Variants in SLC38A11 observed in about 807,000 individuals in gnomAD.
The protein encoded by SLC38A11 is putative sodium-coupled neutral amino acid transporter 11.
In SLC38A11, 51 loss-of-function variants were observed where a neutral mutation model predicts 49.4. That is an observed-to-expected ratio of 1.03 (90% CI 0.83 to 1.30). SLC38A11 has a LOEUF of 1.30. Among genes scored for constraint, SLC38A11 ranks in the 50% most tolerant of loss-of-function variants. The pLI, the probability that SLC38A11 is intolerant of heterozygous loss-of-function variation, is 0.00. For missense variants in SLC38A11, 574 were observed against 556.2 expected (o/e 1.03, Z -0.32); for synonymous variants, 203 against 192.9 (o/e 1.05, Z -0.43).
intron 3 of SLC38A11, among the ~76,000 whole-genome samples, chr2:164,952,393 AG>A (rs1451842852): frequency 6.6e-6 from 1 of 152,214 alleles, no homozygotes; most frequent in African/African-American, 2.4e-5. Context: ...TTCAGAGCAC[AG>A]TCGTCTCTTA....
intron 11 of SLC38A11, among the ~76,000 whole-genome samples, chr2:164,903,324 G>T (rs1684785732): frequency 6.6e-6 from 1 of 152,216 alleles, no homozygotes; most frequent in Admixed American, 6.5e-5. Flanking sequence ...CTGCTAAGAA[G>T]CTGTCATCAG....
chr2:164,911,429 G>A lies in SLC38A11; in HGVS notation c.963+207C>T, dbSNP rs935115407. 5.9e-5 allele frequency among the ~76,000 whole-genome samples: 9 copies of A among 152,072 alleles called. No homozygotes were observed. The South Asian group carries it at 1.2e-3, about 21-fold the overall frequency. On this transcript the variant is annotated intron_variant, in intron 10 of 11. Coordinates refer to ENST00000685975, the MANE Select transcript of SLC38A11 (RefSeq NM_001351537.2). Reference sequence around the variant, plus strand: ...ATCTACCAAACCTAATTTTCAAACCGAACTTTTGAAAAATTGTCTTGTAAA... The same window carrying A: ...ATCTACCAAACCTAATTTTCAAACCAAACTTTTGAAAAATTGTCTTGTAAA...
chr2:164,938,036 G>A (rs1226613858), intron 6 of SLC38A11, among the ~76,000 whole-genome samples: 1 of 151,868 alleles, frequency 6.6e-6, no homozygotes, highest in South Asian at 2.1e-4. Context: ...ATATAAACTG[G>A]TCTGTGTGTG....
At chr2:164,952,624 C>T in intron 3 of SLC38A11, 83 bp downstream of exon 3, 1 of 866,540 alleles carries the variant, frequency 1.2e-6, no homozygotes, top group East Asian at 2.5e-5. Context: ...AATTCAGTTG[C>T]AGCATGTGTG....
At chr2:164,906,337 T>C (rs970217960) in intron 11 of SLC38A11, among the ~76,000 whole-genome samples, 2 of 152,164 alleles carry the variant, frequency 1.3e-5, no homozygotes, top group African/African-American at 2.4e-5. Flanking sequence ...ACATTTCATT[T>C]CCTGGTACTA....
chr2:164,905,203 C>T (rs1018872297), intron 11 of SLC38A11, among the ~76,000 whole-genome samples: 2 of 152,036 alleles, frequency 1.3e-5, no homozygotes, highest in East Asian at 1.9e-4. Flanking sequence ...CTGCAACTTC[C>T]GCCTCCTGGG....
At chr2:164,899,473 G>A (rs1328365767) in intron 11 of SLC38A11, among the ~76,000 whole-genome samples, 1 of 152,040 alleles carries the variant, frequency 6.6e-6, no homozygotes, top group African/African-American at 2.4e-5. Flanking sequence ...GATGTCAAAG[G>A]AAGAGACTTT....
chr2:164,955,001 G>A (rs1688753895), intron 1 of SLC38A11, among the ~76,000 whole-genome samples: 1 of 151,016 alleles, frequency 6.6e-6, no homozygotes, highest in Non-Finnish European at 1.5e-5. Flanking sequence ...GGATCTGTTA[G>A]GAATTCAGTG....
chr2:164,948,546 G>A (rs750885768), intron 3 of SLC38A11, among the ~76,000 whole-genome samples: 14 of 152,122 alleles, frequency 9.2e-5, no homozygotes, highest in Non-Finnish European at 1.8e-4. Flanking sequence ...CAGAATCCAT[G>A]AGCTTAATTA....
chr2:164,923,323 T>C (rs1203427328), intron 7 of SLC38A11, among the ~76,000 whole-genome samples: 1 of 152,082 alleles, frequency 6.6e-6, no homozygotes, highest in Non-Finnish European at 1.5e-5. Flanking sequence ...ACAAACTCTG[T>C]ATATGACAAA....
intron 9 of SLC38A11, among the ~76,000 whole-genome samples, chr2:164,913,252 C>T (rs1685526142): frequency 6.6e-6 from 1 of 151,898 alleles, no homozygotes; most frequent in African/African-American, 2.4e-5. Flanking sequence ...AGTAAGGTGG[C>T]AGAAACCTGC....
At chr2:164,945,994 T>TTG (rs1688079071) in intron 3 of SLC38A11, among the ~76,000 whole-genome samples, 1 of 152,152 alleles carries the variant, frequency 6.6e-6, no homozygotes, top group Non-Finnish European at 1.5e-5. Flanking sequence ...GAAAACAGAC[T>TTG]CGAGTCAAAC....
At chr2:164,927,791 C>T (rs1686705864) in intron 7 of SLC38A11, among the ~76,000 whole-genome samples, 1 of 152,144 alleles carries the variant, frequency 6.6e-6, no homozygotes, top group African/African-American at 2.4e-5. Flanking sequence ...TCCTCTGTTT[C>T]CATAGCACTT....
intron 8 of SLC38A11, 141 bp downstream of exon 8, chr2:164,915,762 G>T: frequency 1.6e-6 from 1 of 614,172 alleles, no homozygotes; most frequent in Non-Finnish European, 2.8e-6. Context: ...TTTTATATTG[G>T]CACAAACTAG....
intron 7 of SLC38A11, among the ~76,000 whole-genome samples, chr2:164,918,515 A>G (rs1229194652): frequency 6.6e-6 from 1 of 152,158 alleles, no homozygotes; most frequent in Non-Finnish European, 1.5e-5. Context: ...ACCAAATCCT[A>G]TAGCAAATGG....
At chr2:164,945,272 A>G (rs58971374) in intron 4 of SLC38A11, among the ~76,000 whole-genome samples, 14 of 131,902 alleles carry the variant, frequency 1.1e-4, no homozygotes, top group Non-Finnish European at 2.0e-4. Flanking sequence ...TTTTTTTTTT[A>G]AAGTATTAAG....
Position 164,955,226 on chromosome 2 carries a change from G to A in SLC38A11, c.22C>T (p.Pro8Ser), listed in dbSNP as rs774602846. Residue 8 changes from proline to serine, a missense_variant, in exon 1 of 12, where the codon CCT becomes TCT. Transcript: ENST00000685975. MGYQRQE[P>S]VIPPQRDLDD... is the part of the protein sequence containing the mutation. ...AGTTTTACCTGCGGCGGGATGACAG[G>A]CTCCTGCCTCTGGTAGCCCATGGCT... is the stretch of plus-strand genomic sequence containing the variant. The A allele has an allele frequency of 1.2e-5, 18 of 1,550,386 alleles. No homozygotes were observed. The highest frequency in any genetic ancestry group is 5.9e-5 in the Admixed American group (3 of 50,982).
In SLC38A11 at chr2:164,897,178, T is replaced by C. The variant is rs978912199; in HGVS notation, c.*1259A>G. ...ATCCTCAGTAAACCGAGGGCATCTGTGGTGGGCACAGCTGTGTCTCCCAGA... is the reference window on the plus strand; with the variant it reads ...ATCCTCAGTAAACCGAGGGCATCTGCGGTGGGCACAGCTGTGTCTCCCAGA... On this transcript the variant is annotated 3_prime_UTR_variant, in exon 12 of 12. Coordinates refer to ENST00000685975, the MANE Select transcript of SLC38A11 (RefSeq NM_001351537.2). The C allele has an allele frequency of 1.3e-5, 2 of 152,144 alleles. No individual in the cohort carries two copies. Among genetic ancestry groups the C allele is most frequent in the Non-Finnish European group, 2.9e-5 (2 of 68,030 alleles). 9.4% of individuals were successfully genotyped at this position (152,144 alleles called of 1,614,324 possible).
chr2:164,911,202 CTACAGTGCCTTTAA>C (rs1685376026), intron 10 of SLC38A11, among the ~76,000 whole-genome samples: 1 of 151,980 alleles, frequency 6.6e-6, no homozygotes, highest in South Asian at 2.1e-4. Context: ...TCTGTAGATT[CTACAGTGCCTTTAA>C]TACATGTTGA....
Sources: gnomAD v4.1 joint callset for allele counts (sites outside exome capture counted in the v4.1 genomes callset) on GRCh38, gnomAD v4.1.1 for gene constraint, MANE v1.5 for transcripts, NCBI Gene and HGNC (gene_info 2026-07-23, HGNC 2026-07-21) for gene names.